The following ZNF831 variants were observed in gnomAD, a reference collection of about 807,000 sequenced individuals.
The protein encoded by ZNF831 is chromosome 20 open reading frame 174.
ZNF831 carries 59 observed loss-of-function variants against 95.8 expected under a neutral mutation model. The ratio of observed to expected loss-of-function variants is 0.62; its 90% CI spans 0.50 to 0.77. The LOEUF (loss-of-function observed/expected upper bound fraction) is 0.77, where lower values mean the gene tolerates loss of function less well. Among genes scored for constraint, ZNF831 ranks in the 30% least tolerant of loss-of-function variants. ZNF831 has a pLI of 0.00. For missense variants in ZNF831, 2,205 were observed against 2,164.0 expected, an observed-to-expected ratio of 1.02 and a Z score of -0.38; for synonymous variants, 961 against 925.5, an observed-to-expected ratio of 1.04 and a Z score of -0.70.
intron 4 of ZNF831, among the ~76,000 whole-genome samples, chr20:59,247,009 T>A (rs1600684228): frequency 6.6e-6 from 1 of 152,252 alleles, no homozygotes; most frequent in African/African-American, 2.4e-5. Flanking sequence ...TCCATCATTT[T>A]TAGCCATTTT....
At chr20:59,177,649 A>G (rs1320007252) in intron 1 of ZNF831, among the ~76,000 whole-genome samples, 1 of 152,134 alleles carries the variant, frequency 6.6e-6, no homozygotes, top group Non-Finnish European at 1.5e-5. Context: ...GGCCCATCTC[A>G]TTTAAAATTG....
At position 59,193,811 on chromosome 20, in the gene ZNF831, C is replaced by T. The variant is rs1417156111; in HGVS notation, c.2792C>T (p.Ala931Val). The T allele has an allele frequency of 1.2e-6, 2 of 1,612,298 alleles. No individual in the cohort carries two copies. Among genetic ancestry groups the T allele is most frequent in the Non-Finnish European group, 1.7e-6 (2 of 1,179,096 alleles). Residue 931 changes from alanine (A) to valine (V), a missense_variant, in exon 2 of 6, where the codon GCC becomes GTC. Ala to Val is a moderately conservative substitution (Grantham distance 64). Coordinates refer to ENST00000371030, the MANE Select transcript of ZNF831 (RefSeq NM_178457.3). ...CCTCAGGCTCCTAGAGTGCTCTCTG[C>T]CCTGGCAGATAATGCCTTTTCCCCC... The part of the protein sequence containing the change: ...TPPQAPRVLS[A>V]LADNAFSPKY...
At chr20:59,206,528 T>C (rs1984904631) in intron 3 of ZNF831, among the ~76,000 whole-genome samples, 1 of 152,244 alleles carries the variant, frequency 6.6e-6, no homozygotes, top group South Asian at 2.1e-4. Flanking sequence ...CTGCTGTATT[T>C]GTCAATGCAG....
At chr20:59,214,940 T>C (rs1280909315) in intron 4 of ZNF831, among the ~76,000 whole-genome samples, 1 of 152,224 alleles carries the variant, frequency 6.6e-6, no homozygotes, top group Non-Finnish European at 1.5e-5. Flanking sequence ...ATGACAGTTA[T>C]TGACCCTTGG....
In ZNF831 at chr20:59,191,094, G is replaced by T. The variant is rs2146542488; in HGVS notation, c.75G>T (p.Gly25=). The part of the protein sequence containing the change: ...DQPAPTPGPP[G]APGGQASPHL... Reference sequence around the variant, plus strand: ...CAGCTCCCACTCCTGGCCCTCCAGGGGCCCCAGGTGGCCAGGCCTCACCTC... The same window carrying T: ...CAGCTCCCACTCCTGGCCCTCCAGGTGCCCCAGGTGGCCAGGCCTCACCTC... Residue 25 remains glycine (G), a synonymous_variant, in exon 2 of 6, where the codon GGG becomes GGT. Transcript: ENST00000371030. The T allele has an allele frequency of 6.4e-7, 1 of 1,553,780 alleles. No individual in the cohort carries two copies. The highest frequency in any genetic ancestry group is 2.0e-5 in the Admixed American group (1 of 50,984).
chr20:59,176,751 C>T (rs1241526180), intron 1 of ZNF831, among the ~76,000 whole-genome samples: 4 of 152,182 alleles, frequency 2.6e-5, no homozygotes, highest in Admixed American at 1.3e-4. Context: ...GTATTTGGGA[C>T]GCTTCTTCCT....
chr20:59,206,148 A>G (rs1024226685), intron 3 of ZNF831, among the ~76,000 whole-genome samples: 2 of 152,250 alleles, frequency 1.3e-5, no homozygotes, highest in Non-Finnish European at 2.9e-5. Flanking sequence ...GGGCTCCTCC[A>G]GATGGAAGGT....
rs1241076859 is a variant in ZNF831, at chr20:59,189,732, A to G, written c.-36-1252A>G. Among the ~76,000 whole-genome samples, 5 of 152,242 alleles carry G rather than the reference A, an allele frequency of 3.3e-5. No homozygotes were observed. In the East Asian group the frequency reaches 9.6e-4, roughly 29 times the overall value. On this transcript the variant is annotated intron_variant, in intron 1 of 5. Transcript: ENST00000371030. ...CACCGTGTTGGACAGGCTGGTCTTG[A>G]ACTCCTGACCTCAGGTGATCCGCCC... is the stretch of plus-strand genomic sequence containing the variant.
At position 59,194,511 on chromosome 20, in the gene ZNF831, C is replaced by T. The variant is rs1983925968; in HGVS notation, c.3492C>T (p.Thr1164=). 1 of 1,609,864 alleles carries T rather than the reference C, an allele frequency of 6.2e-7. No homozygotes were observed. Among genetic ancestry groups the T allele is most frequent in the Non-Finnish European group, 8.5e-7 (1 of 1,178,010 alleles). ...SHSGTSRSHS[T]RSPHSTQNPF... is the part of the protein sequence containing the mutation. ...CAGGGACGTCCCGGAGCCACAGCAC[C>T]CGCAGTCCCCACAGCACCCAAAACC... The change falls in exon 2 of 6, where the codon ACC becomes ACT. Residue 1164 remains threonine (T), a synonymous_variant. Transcript: ENST00000371030.
chr20:59,127,582 C>G (rs1197827966), intron 1 of ZNF831, among the ~76,000 whole-genome samples: 1 of 152,194 alleles, frequency 6.6e-6, no homozygotes, highest in Admixed American at 6.5e-5. Context: ...TGACTGGTTT[C>G]CCTCCGACGG....
Position 59,192,377 on chromosome 20 carries a change from A to C in ZNF831, c.1358A>C (p.His453Pro), listed in dbSNP as rs2146564617. ...CCCTACACCTACAAGGACTCCTTCCACTTTGACATCCGCGCGCTGGAGCCA... is the reference window on the plus strand; with the variant it reads ...CCCTACACCTACAAGGACTCCTTCCCCTTTGACATCCGCGCGCTGGAGCCA... ...PTPYTYKDSF[H>P]FDIRALEPGR... Residue 453 changes from histidine to proline, a missense_variant, in exon 2 of 6, where the codon CAC becomes CCC. Coordinates refer to ENST00000371030, the MANE Select transcript of ZNF831 (RefSeq NM_178457.3). This position sits in a 1 kb window ranked among gnomAD's most constrained non-coding sequence, Gnocchi z 5.2. 6.2e-7 allele frequency: 1 copy of C among 1,611,838 alleles called. No individual in the cohort carries two copies. Among genetic ancestry groups the C allele is most frequent in the Non-Finnish European group, 8.5e-7 (1 of 1,179,446 alleles).
At chr20:59,146,848 G>C (rs1357642262) in intron 2 of ZNF831, 1 of 152,194 alleles carries the variant, frequency 6.6e-6, no homozygotes, top group African/African-American at 2.4e-5. Context: ...TTTAAAATAG[G>C]CTTCCTTCCT....
At chr20:59,127,639 A>G (rs1309944225) in intron 1 of ZNF831, among the ~76,000 whole-genome samples, 1 of 151,942 alleles carries the variant, frequency 6.6e-6, no homozygotes, top group Admixed American at 6.5e-5. Context: ...CTCCTACTTT[A>G]TTTTCCAGCG....
chr20:59,179,344 C>G (rs558521717), intron 1 of ZNF831, among the ~76,000 whole-genome samples: 1 of 152,192 alleles, frequency 6.6e-6, no homozygotes, highest in African/African-American at 2.4e-5. Flanking sequence ...CGCACCCATC[C>G]GCTTCTCACT....
At chr20:59,249,834 T>G (rs1987795162) in intron 4 of ZNF831, among the ~76,000 whole-genome samples, 1 of 152,134 alleles carries the variant, frequency 6.6e-6, no homozygotes, top group Admixed American at 6.5e-5. Context: ...CCTCAGCTTT[T>G]CTCTAACAAC....
In ZNF831 at chr20:59,258,253, A is replaced by T. The variant is rs569743874; in HGVS notation, c.*3510A>T. The stretch of plus-strand genomic sequence containing the variant: ...ATAGCATGGTGGGTAACCTAGGGCA[A>T]GACAGACTTTTTCTTCCTGAAATCA... On this transcript the variant is annotated 3_prime_UTR_variant, in exon 6 of 6. Coordinates refer to ENST00000371030, the MANE Select transcript of ZNF831 (RefSeq NM_178457.3). 6.6e-6 allele frequency: 1 copy of T among 152,572 alleles called. No individual in the cohort carries two copies. Among genetic ancestry groups the T allele is most frequent in the Admixed American group, 6.5e-5 (1 of 15,304 alleles). The allele number at this position is 152,572 out of a possible 1,614,324, so 9.5% of individuals were successfully genotyped here.
At chr20:59,214,277 A>G (rs1985536631) in intron 4 of ZNF831, among the ~76,000 whole-genome samples, 1 of 152,146 alleles carries the variant, frequency 6.6e-6, no homozygotes, top group African/African-American at 2.4e-5. Context: ...GTGACATCTT[A>G]ATGGATTGAG....
rs534574440 is a variant in ZNF831 at position 59,211,061 on chromosome 20, A to C, written c.4027+4005A>C. On this transcript the variant is annotated intron_variant, in intron 4 of 5. Transcript: ENST00000371030. Reference sequence around the variant, plus strand: ...TCTCAAAAAAAAAGAAAAAAAAAAAAAAAACAAATCCAAGGAGAAAAAAAA... The same window carrying C: ...TCTCAAAAAAAAAGAAAAAAAAAAACAAAACAAATCCAAGGAGAAAAAAAA... Among the ~76,000 whole-genome samples the C allele has an allele frequency of 2.5e-4, 38 of 151,772 alleles. 6 individuals are homozygous for C. In the South Asian group the frequency reaches 7.7e-3, roughly 31 times the overall value.
chr20:59,145,189 C>T (rs548366969), intron 1 of ZNF831, among the ~76,000 whole-genome samples: 103 of 152,238 alleles, frequency 6.8e-4, no homozygotes, highest in African/African-American at 2.2e-3. Flanking sequence ...GAACTTTGAC[C>T]GGACCCTTTC....
Sources: gnomAD v4.1 joint callset for allele counts (sites outside exome capture counted in the v4.1 genomes callset) on GRCh38, gnomAD v4.1.1 for gene constraint, Gnocchi (gnomAD v3.1) non-coding constraint, MANE v1.5 for transcripts, NCBI Gene and HGNC (gene_info 2026-07-23, HGNC 2026-07-21) for gene names.